The following FGF2 variants were observed in gnomAD, a reference collection of about 807,000 sequenced individuals.
FGF2 encodes the protein basic fibroblast growth factor bFGF.
FGF2 carries 13 observed loss-of-function variants against 15.9 expected under a neutral mutation model. The ratio of observed to expected loss-of-function variants is 0.82; its 90% CI spans 0.53 to 1.30. FGF2 has a LOEUF of 1.30. Ranked by LOEUF, FGF2 falls within the 50% of genes most tolerant of loss-of-function variation. The pLI, the probability that FGF2 is intolerant of heterozygous loss-of-function variation, is 0.00. For missense variants in FGF2, 163 were observed against 196.9 expected (o/e 0.83, Z 1.03); for synonymous variants, 90 against 78.4 (o/e 1.15, Z -0.78).
rs1322730393 is a variant in FGF2 at position 122,895,707 on chromosome 4, C to T, written c.*3311C>T. ...TGCATTCTATTTTCTATATGACCCT[C>T]TTGATATTTAAAAAACACTATGGAT... is the stretch of plus-strand genomic sequence containing the variant. On this transcript the variant is annotated 3_prime_UTR_variant, in exon 3 of 3. Transcript: ENST00000644866. The T allele has an allele frequency of 2.0e-5, 3 of 152,140 alleles. No individual in the cohort carries two copies. The highest frequency in any genetic ancestry group is 6.5e-5 in the Admixed American group (1 of 15,274). The allele number at this position is 152,140 out of a possible 1,614,324, so 9.4% of individuals were successfully genotyped here. A position where few individuals can be genotyped will look rare whatever the true frequency, so the allele number is the denominator to read the frequency against.
At chr4:122,859,215 T>C (rs983698004) in intron 1 of FGF2, among the ~76,000 whole-genome samples, 6 of 151,856 alleles carry the variant, frequency 4.0e-5, no homozygotes, top group African/African-American at 1.4e-4. Flanking sequence ...CTAAGCCCCA[T>C]GAGGGTGGAG....
In FGF2 at chr4:122,876,314, G is replaced by A. The variant is rs755355773; in HGVS notation, c.179-7G>A. The stretch of plus-strand genomic sequence containing the variant: ...TGCTACAAAGATAATTTTTTTTCCC[G>A]TTACAGTCAAGCTACAACTTCAAGC... On this transcript the variant is annotated splice_polypyrimidine_tract_variant and splice_region_variant and intron_variant, in intron 1 of 2. Transcript: ENST00000644866. 1.3e-5 allele frequency: 20 copies of A among 1,582,832 alleles called. No individual in the cohort carries two copies. Among genetic ancestry groups the A allele is most frequent in the African/African-American group, 5.4e-5 (4 of 74,104 alleles).
chr4:122,827,225 C>T lies in FGF2; in HGVS notation c.51C>T (p.Gly17=). ...TGCCCGCCTTGCCCGAGGATGGCGG[C>T]AGCGGCGCCTTCCCGCCCGGCCACT... ...TTLPALPEDG[G]SGAFPPGHFK... Residue 17 remains glycine, a synonymous_variant, in exon 1 of 3, where the codon GGC becomes GGT. Coordinates refer to ENST00000644866, the MANE Select transcript of FGF2 (RefSeq NM_001361665.2). The surrounding 1 kb of genome is among the most constrained non-coding windows in gnomAD (Gnocchi z 4.2). The T allele has an allele frequency of 6.2e-7, 1 of 1,610,948 alleles. No homozygotes were observed. The highest frequency in any genetic ancestry group is 2.2e-5 in the East Asian group (1 of 44,780).
chr4:122,882,599 T>C (rs949128565), intron 2 of FGF2: 9 of 152,230 alleles, frequency 5.9e-5, no homozygotes, highest in South Asian at 2.1e-4. Flanking sequence ...TCCACCAAGT[T>C]GGTGCAGTAA....
intron 1 of FGF2, among the ~76,000 whole-genome samples, chr4:122,835,338 G>GT (rs35967448): frequency 0.025 from 3,653 of 145,230 alleles, 56 homozygotes; most frequent in South Asian, 0.092. Context: ...ACTTTCTTCT[G>GT]TTTTTTTTTT....
At chr4:122,872,586 G>C (rs1726763179) in intron 1 of FGF2, among the ~76,000 whole-genome samples, 1 of 151,922 alleles carries the variant, frequency 6.6e-6, no homozygotes, top group Admixed American at 6.6e-5. Context: ...GATTCTCCAA[G>C]GTTGAAATGA....
At chr4:122,881,353 T>G (rs2150786648) in intron 2 of FGF2, among the ~76,000 whole-genome samples, 1 of 152,338 alleles carries the variant, frequency 6.6e-6, no homozygotes, top group South Asian at 2.1e-4. Context: ...TATTCCATGG[T>G]CAGGCTGCAA....
chr4:122,837,381 G>C (rs1021895074), intron 1 of FGF2, among the ~76,000 whole-genome samples: 1 of 152,012 alleles, frequency 6.6e-6, no homozygotes, highest in Non-Finnish European at 1.5e-5. Context: ...AGATTAAAAC[G>C]GTCAAATAAT....
rs938319363 is a variant in FGF2, at chr4:122,837,193, G to T, written c.178+9841G>T. ...ACAACAATCTGAAAAACTCTTAAGA[G>T]GATAGAAATTGTATGACAAAGTGAG... is the stretch of plus-strand genomic sequence containing the variant. On this transcript the variant is annotated intron_variant, in intron 1 of 2. Coordinates refer to ENST00000644866, the MANE Select transcript of FGF2 (RefSeq NM_001361665.2). Among the ~76,000 whole-genome samples the T allele has an allele frequency of 2.0e-5, 3 of 152,180 alleles. No homozygotes were observed. In the East Asian group the frequency reaches 5.8e-4, roughly 29 times the overall value.
chr4:122,897,778 G>T lies in FGF2; in HGVS notation c.*5382G>T. On this transcript the variant is annotated 3_prime_UTR_variant, in exon 3 of 3. Coordinates refer to ENST00000644866, the MANE Select transcript of FGF2 (RefSeq NM_001361665.2). ...ACCTATAATTGGTCAAAGTGGTTGA[G>T]AATATATTTTTTAGTAATTGCATGC... 1.2e-6 allele frequency: 1 copy of T among 826,758 alleles called. No individual in the cohort carries two copies. 51.2% of individuals were successfully genotyped at this position (826,758 alleles called of 1,614,324 possible). A position where few individuals can be genotyped will look rare whatever the true frequency, so the allele number is the denominator to read the frequency against.
chr4:122,838,757 G>A (rs540123773), intron 1 of FGF2, among the ~76,000 whole-genome samples: 105 of 152,256 alleles, frequency 6.9e-4, no homozygotes, highest in Admixed American at 1.3e-3. Context: ...AAAGACTTCT[G>A]TCATGATTTA....
At chr4:122,850,403 C>T (rs1002847087) in intron 1 of FGF2, among the ~76,000 whole-genome samples, 7 of 152,206 alleles carry the variant, frequency 4.6e-5, no homozygotes, top group African/African-American at 1.7e-4. Context: ...CGATTCAGAG[C>T]ATCTTAAACA....
In FGF2 at chr4:122,892,700, A is replaced by G; in HGVS notation, c.*304A>G. The G allele has an allele frequency of 7.4e-7, 1 of 1,359,454 alleles. No homozygotes were observed. Among genetic ancestry groups the G allele is most frequent in the Non-Finnish European group, 9.8e-7 (1 of 1,025,100 alleles). The allele number at this position is 1,359,454 out of a possible 1,614,324, so 84.2% of individuals were successfully genotyped here. A position where few individuals can be genotyped will look rare whatever the true frequency, so the allele number is the denominator to read the frequency against. ...AGGCTTTTAAAATGTGCATGTTTAG[A>G]AACAAAATTTCTTCATGGAAATCAT... On this transcript the variant is annotated 3_prime_UTR_variant, in exon 3 of 3. Coordinates refer to ENST00000644866, the MANE Select transcript of FGF2 (RefSeq NM_001361665.2).
chr4:122,845,693 C>T (rs1221510057), intron 1 of FGF2, among the ~76,000 whole-genome samples: 1 of 152,226 alleles, frequency 6.6e-6, no homozygotes, highest in African/African-American at 2.4e-5. Flanking sequence ...TTCCTTACCT[C>T]TCTCAGCCTT....
At chr4:122,865,896 C>A (rs1726565569) in intron 1 of FGF2, among the ~76,000 whole-genome samples, 1 of 152,072 alleles carries the variant, frequency 6.6e-6, no homozygotes, top group African/African-American at 2.4e-5. Context: ...GTATTAAAAC[C>A]TAAATAGAAG....
At chr4:122,848,282 G>T (rs1361312165) in intron 1 of FGF2, among the ~76,000 whole-genome samples, 1 of 152,234 alleles carries the variant, frequency 6.6e-6, no homozygotes, top group East Asian at 1.9e-4. Flanking sequence ...GGGGCACATG[G>T]AGTCCAGGTT....
rs538012798 is a variant in FGF2, at chr4:122,878,403, G to T, written c.282+1979G>T. On this transcript the variant is annotated intron_variant, in intron 2 of 2. Transcript: ENST00000644866. ...TCTAGGACATAGGACATGAAAAGGTGTGGATAAAAAATCTACTTGATGTAT... is the reference window on the plus strand; with the variant it reads ...TCTAGGACATAGGACATGAAAAGGTTTGGATAAAAAATCTACTTGATGTAT... Among the ~76,000 whole-genome samples the T allele has an allele frequency of 2.6e-5, 4 of 152,258 alleles. No homozygotes were observed. In the South Asian group the frequency reaches 8.3e-4, roughly 32 times the overall value.
chr4:122,872,028 G>A (rs1327762143), intron 1 of FGF2, among the ~76,000 whole-genome samples: 1 of 152,124 alleles, frequency 6.6e-6, no homozygotes, highest in Non-Finnish European at 1.5e-5. Flanking sequence ...TCAGATGGAC[G>A]AATTGACGGA....
intron 2 of FGF2, among the ~76,000 whole-genome samples, chr4:122,889,281 T>C (rs73844957): frequency 0.02 from 2,978 of 152,296 alleles, 101 homozygotes; most frequent in African/African-American, 0.067. Context: ...AAAATAAGGC[T>C]TTGGAAACAA....
Sources: gnomAD v4.1 joint callset for allele counts (sites outside exome capture counted in the v4.1 genomes callset) on GRCh38, gnomAD v4.1.1 for gene constraint, Gnocchi (gnomAD v3.1) non-coding constraint, MANE v1.5 for transcripts, NCBI Gene and HGNC (gene_info 2026-07-23, HGNC 2026-07-21) for gene names.